The following CROT variants were observed in gnomAD, a reference collection of about 807,000 sequenced individuals.
CROT encodes the protein carnitine O-octanoyltransferase.
In CROT, 84 loss-of-function variants were observed where a neutral mutation model predicts 89.2. The ratio of observed to expected loss-of-function variants is 0.94; its 90% CI spans 0.79 to 1.13. CROT has a LOEUF of 1.13. Ranked by LOEUF, CROT falls within the 50% of genes most tolerant of loss-of-function variation. The pLI is 0.00. For synonymous variants in CROT, 212 were observed against 239.5 expected, an observed-to-expected ratio of 0.89 and a Z score of 1.06; for missense variants, 711 against 727.8, an observed-to-expected ratio of 0.98 and a Z score of 0.27.
chr7:87,370,875 G>A (rs1323313942), intron 7 of CROT, among the ~76,000 whole-genome samples: 2 of 152,218 alleles, frequency 1.3e-5, no homozygotes, highest in Non-Finnish European at 2.9e-5. Flanking sequence ...TAGGATATGT[G>A]TATGTTCAGC....
chr7:87,378,832 GT>G (rs1806897212), intron 10 of CROT, among the ~76,000 whole-genome samples: 1 of 152,138 alleles, frequency 6.6e-6, no homozygotes, highest in Non-Finnish European at 1.5e-5. Flanking sequence ...GTGGTGCTTG[GT>G]TGCCTAAAGA....
In CROT at chr7:87,391,663, C is replaced by T; in HGVS notation, c.1376C>T (p.Thr459Ile). The change falls in exon 14 of 18, where the codon ACA becomes ATA. Residue 459 changes from threonine to isoleucine, a missense_variant. By Grantham distance (89) the Thr-to-Ile change is moderately conservative (BLOSUM62 -1). Coordinates refer to ENST00000331536, the MANE Select transcript of CROT (RefSeq NM_021151.4). ...CGTACAGAGACTATGCGATCATGCA[C>T]AGTTGAAGCAGTGAGGTGGTGCCAG... ...HGRTETMRSCTVEAVRWCQSM... is the reference protein window; with the variant it reads ...HGRTETMRSCIVEAVRWCQSM... The T allele has an allele frequency of 1.2e-6, 2 of 1,611,520 alleles. No individual in the cohort carries two copies. The highest frequency in any genetic ancestry group is 8.5e-7 in the Non-Finnish European group (1 of 1,178,900).
Position 87,393,073 on chromosome 7 carries a change from G to C in CROT, c.1718+6G>C, listed in dbSNP as rs750306507. ...TACCATATCAGAGATGACAGGTGAG[G>C]CTTCTCTTTTTTATTCTTTCTGTGC... On this transcript the variant is annotated splice_donor_region_variant and intron_variant, in intron 17 of 17. Transcript: ENST00000331536. 2.5e-6 allele frequency: 4 copies of C among 1,610,806 alleles called. No homozygotes were observed. The highest frequency in any genetic ancestry group is 3.4e-6 in the Non-Finnish European group (4 of 1,178,842).
chr7:87,396,479 T>C (rs905754653), intron 17 of CROT, among the ~76,000 whole-genome samples: 3 of 152,172 alleles, frequency 2.0e-5, no homozygotes, highest in African/African-American at 7.2e-5. Flanking sequence ...CACTGGACCC[T>C]TCTATGATAG....
chr7:87,361,338 C>T, intron 4 of CROT, 52 bp from the exon 5 acceptor site: 1 of 1,467,246 alleles, frequency 6.8e-7, no homozygotes, highest in Non-Finnish European at 9.3e-7. Context: ...CCAGTAGTTA[C>T]ACATTCATGT....
At chr7:87,371,739 G>C (rs1212531014) in intron 7 of CROT, among the ~76,000 whole-genome samples, 1 of 151,996 alleles carries the variant, frequency 6.6e-6, no homozygotes, top group East Asian at 1.9e-4. Context: ...GCCTGTAATT[G>C]CAACATTTTG....
intron 7 of CROT, among the ~76,000 whole-genome samples, chr7:87,370,140 T>G (rs1467144216): frequency 6.6e-6 from 1 of 152,218 alleles, no homozygotes; most frequent in Admixed American, 6.5e-5. Flanking sequence ...AGAAGGACTC[T>G]TAAAATACAC....
chr7:87,370,225 C>A (rs1228872071), intron 7 of CROT, among the ~76,000 whole-genome samples: 2 of 152,024 alleles, frequency 1.3e-5, no homozygotes, highest in East Asian at 3.9e-4. Context: ...GCTTTGTGTC[C>A]AGGCTGGAGT....
chr7:87,383,746 C>T (rs541708830), intron 13 of CROT, among the ~76,000 whole-genome samples: 1 of 152,224 alleles, frequency 6.6e-6, no homozygotes, highest in East Asian at 1.9e-4. Context: ...ATCTGCGTGC[C>T]TTGGCCTCCC....
At chr7:87,348,892 C>T (rs1395190380) in intron 2 of CROT, among the ~76,000 whole-genome samples, 156 bp from the exon 3 acceptor site, 1 of 152,202 alleles carries the variant, frequency 6.6e-6, no homozygotes, top group East Asian at 1.9e-4. Flanking sequence ...TTGGTTTTCT[C>T]TATCTGACAG....
In CROT at chr7:87,349,112, AG is replaced by A; in HGVS notation, c.45del (p.Gln15HisfsTer18). 15 of 1,608,462 alleles carry A rather than the reference AG, an allele frequency of 9.3e-6. No individual in the cohort carries two copies. The highest frequency in any genetic ancestry group is 1.3e-5 in the Non-Finnish European group (15 of 1,176,834). On this transcript the variant is annotated frameshift_variant, in exon 3 of 18. Transcript: ENST00000331536. LOFTEE classifies it high-confidence loss of function. ...AAATCAACTGAAGAACGAACATTTC[AG>A]TACCAGGATTCTCTTCCATCACTGC... ...LAKSTEERTFQYQDSLPSLPV... is the reference protein window; with the variant it reads ...LAKSTEERTFXYQDSLPSLPV...
intron 6 of CROT, among the ~76,000 whole-genome samples, chr7:87,366,719 A>G (rs1389945713): frequency 2.0e-5 from 3 of 152,150 alleles, no homozygotes; most frequent in African/African-American, 7.2e-5. Flanking sequence ...TACACATTCA[A>G]ATCTTTGCTA....
rs769788031 is a variant in CROT at position 87,361,372 on chromosome 7, G to A, written c.241-18G>A. On this transcript the variant is annotated intron_variant, in intron 4 of 17. Transcript: ENST00000331536. ...GTATTATGAAGAACATTAAGCTGAT[G>A]TTCTCAATTTCTTTTAGCTGGAAGA... 3.1e-6 allele frequency: 5 copies of A among 1,608,966 alleles called. No individual in the cohort carries two copies. Among genetic ancestry groups the A allele is most frequent in the Non-Finnish European group, 3.4e-6 (4 of 1,177,658 alleles).
chr7:87,393,160 A>G, intron 17 of CROT, 93 bp downstream of exon 17: 1 of 1,327,512 alleles, frequency 7.5e-7, no homozygotes, highest in Non-Finnish European at 1.0e-6. Context: ...TGATTCTTAT[A>G]TTGCCATCTG....
chr7:87,379,167 T>G lies in CROT; in HGVS notation c.978+1717T>G, dbSNP rs189130918. Among the ~76,000 whole-genome samples the G allele has an allele frequency of 2.9e-3, 436 of 152,344 alleles. 2 individuals are homozygous for G. Among genetic ancestry groups the G allele is most frequent in the Non-Finnish European group, 3.3e-3 (223 of 68,034 alleles). On this transcript the variant is annotated intron_variant, in intron 10 of 17. Transcript: ENST00000331536. ...TTCTTCCCTTCATTTCCCTTTGACCTGTCTGCTGCAGTTGGTTACCCTCTG... is the reference window on the plus strand; with the variant it reads ...TTCTTCCCTTCATTTCCCTTTGACCGGTCTGCTGCAGTTGGTTACCCTCTG...
intron 13 of CROT, among the ~76,000 whole-genome samples, chr7:87,383,154 A>G (rs76810655): frequency 0.043 from 6,491 of 152,182 alleles, 442 homozygotes; most frequent in African/African-American, 0.15. Flanking sequence ...TGAAATATAC[A>G]ACAAATTATT....
In CROT at chr7:87,357,986, G is replaced by T. The variant is rs538671674; in HGVS notation, c.116-1220G>T. ...ATCTTCTTAATGTGGGTCATGACCA[G>T]CAAGGAATTGTGCCTTGTTAGTCTC... On this transcript the variant is annotated intron_variant, in intron 3 of 17. Transcript: ENST00000331536. 3.3e-5 allele frequency among the ~76,000 whole-genome samples: 5 copies of T among 152,300 alleles called. No individual in the cohort carries two copies. In the East Asian group the frequency reaches 9.6e-4, roughly 29 times the overall value.
chr7:87,377,602 A>T, intron 10 of CROT, 152 bp downstream of exon 10: 1 of 570,608 alleles, frequency 1.8e-6, no homozygotes, highest in East Asian at 2.9e-5. Flanking sequence ...ATTCTCATTG[A>T]AAGTATAGGA....
intron 13 of CROT, among the ~76,000 whole-genome samples, chr7:87,385,538 T>C (rs976194602): frequency 6.6e-6 from 1 of 152,220 alleles, no homozygotes; most frequent in Non-Finnish European, 1.5e-5. Flanking sequence ...ATATGTTGAT[T>C]TTATATCTTG....
Sources: gnomAD v4.1 joint callset for allele counts (sites outside exome capture counted in the v4.1 genomes callset) on GRCh38, gnomAD v4.1.1 for gene constraint, MANE v1.5 for transcripts, NCBI Gene and HGNC (gene_info 2026-07-23, HGNC 2026-07-21) for gene names.